FHIT: variants seen among roughly 807,000 people sequenced by gnomAD.
The protein encoded by FHIT is fragile histidine triad diadenosine triphosphatase, also known as bis(5'-adenosyl)-triphosphatase.
Under a neutral mutation model 17.9 loss-of-function variants are expected in FHIT, and 19 were observed. The ratio of observed to expected loss-of-function variants is 1.06; its 90% CI spans 0.74 to 1.56. FHIT has a LOEUF of 1.56. Ranked by LOEUF, FHIT falls within the 40% of genes most tolerant of loss-of-function variation. The probability of loss-of-function intolerance (pLI) is 0.00; values close to 1 mark genes in which losing one functional copy is unlikely to be tolerated. For synonymous variants in FHIT, 81 were observed against 69.7 expected (o/e 1.16, Z -0.81); for missense variants, 248 against 189.2 (o/e 1.31, Z -1.82).
At chr3:59,869,392 GA>G (rs1371876599) in intron 8 of FHIT, among the ~76,000 whole-genome samples, 2 of 149,730 alleles carry the variant, frequency 1.3e-5, no homozygotes, top group East Asian at 2.0e-4. Flanking sequence ...TCACATTATA[GA>G]AAAAAACCAT....
Position 60,041,006 on chromosome 3 carries a change from A to C in FHIT, c.104-26854T>G, listed in dbSNP as rs780513348. The stretch of plus-strand genomic sequence containing the variant: ...GAAAGGGGGGTTTACAAAGGAGATA[A>C]ACCACAGGTGTCAGATATGTATCCA... On this transcript the variant is annotated intron_variant, in intron 5 of 9. Coordinates refer to ENST00000492590, the MANE Select transcript of FHIT (RefSeq NM_002012.4). 1.1e-3 allele frequency among the ~76,000 whole-genome samples: 169 copies of C among 152,160 alleles called. 4 individuals are homozygous for C. Among genetic ancestry groups the C allele is most frequent in the Non-Finnish European group, 2.8e-4 (19 of 68,026 alleles).
chr3:60,946,268 T>C (rs1562520), intron 3 of FHIT, among the ~76,000 whole-genome samples: 108,147 of 152,026 alleles, frequency 0.71, 38,998 homozygotes, highest in Middle Eastern at 0.8. Flanking sequence ...GAGAGTGGGA[T>C]GCTGTGAAAC....
chr3:60,387,665 TTCTC>T (rs1051605327), intron 5 of FHIT, among the ~76,000 whole-genome samples: 2 of 152,152 alleles, frequency 1.3e-5, no homozygotes, highest in African/African-American at 4.8e-5. Flanking sequence ...CTCTCTTGAC[TTCTC>T]TCTCTGTCCC....
At chr3:60,129,026 T>A (rs924234493) in intron 5 of FHIT, among the ~76,000 whole-genome samples, 1 of 150,920 alleles carries the variant, frequency 6.6e-6, no homozygotes, top group South Asian at 2.1e-4. Flanking sequence ...TACTTAATTT[T>A]CCCTTTTCTT....
In FHIT at chr3:59,907,502, C is replaced by T. The variant is rs950932010; in HGVS notation, c.348+14844G>A. ...GACACAGAAGAGTTCTAACTGCCCA[C>T]CCCCAGAGTTTAAAATAGAGTTTCA... On this transcript the variant is annotated intron_variant, in intron 8 of 9. Transcript: ENST00000492590. Among the ~76,000 whole-genome samples, 9 of 152,144 alleles carry T rather than the reference C, an allele frequency of 5.9e-5. No individual in the cohort carries two copies. The South Asian group carries it at 6.2e-4, about 10-fold the overall frequency.
At chr3:60,129,540 C>T (rs1465908326) in intron 5 of FHIT, among the ~76,000 whole-genome samples, 1 of 152,160 alleles carries the variant, frequency 6.6e-6, no homozygotes, top group Non-Finnish European at 1.5e-5. Context: ...TGAATATCCA[C>T]ATTTCGAGGC....
At chr3:61,162,380 G>C (rs1436695654) in intron 2 of FHIT, among the ~76,000 whole-genome samples, 1 of 152,116 alleles carries the variant, frequency 6.6e-6, no homozygotes. Flanking sequence ...GGTAGTCATA[G>C]GCCATCTGTT....
chr3:61,216,959 A>G (rs1382244765), intron 1 of FHIT, among the ~76,000 whole-genome samples: 1 of 141,614 alleles, frequency 7.1e-6, no homozygotes, highest in Admixed American at 7.1e-5. Flanking sequence ...ACACATGGAC[A>G]CAGGAAGGGG....
chr3:60,775,241 C>A (rs1477410194), intron 4 of FHIT, among the ~76,000 whole-genome samples: 1 of 152,208 alleles, frequency 6.6e-6, no homozygotes, highest in Non-Finnish European at 1.5e-5. Flanking sequence ...ACATCTCCAC[C>A]TGTAAACACC....
intron 8 of FHIT, among the ~76,000 whole-genome samples, chr3:59,777,940 C>T (rs1262306066): frequency 6.6e-6 from 1 of 152,194 alleles, no homozygotes; most frequent in Non-Finnish European, 1.5e-5. Flanking sequence ...TGAAATGTTA[C>T]CTCCTTGGTG....
At chr3:60,974,984 A>G (rs1395254928) in intron 3 of FHIT, among the ~76,000 whole-genome samples, 1 of 152,184 alleles carries the variant, frequency 6.6e-6, no homozygotes, top group African/African-American at 2.4e-5. Flanking sequence ...TATGTGTTTC[A>G]TGTTTTTAAA....
intron 2 of FHIT, among the ~76,000 whole-genome samples, chr3:61,085,122 A>G (rs1359789772): frequency 2.0e-5 from 3 of 152,200 alleles, no homozygotes; most frequent in African/African-American, 7.2e-5. Context: ...ATAAATGTAG[A>G]CATACATTTC....
intron 4 of FHIT, among the ~76,000 whole-genome samples, chr3:60,613,688 T>C (rs2038854789): frequency 6.6e-6 from 1 of 152,114 alleles, no homozygotes; most frequent in African/African-American, 2.4e-5. Context: ...CATTCCTACA[T>C]TTCCCTTTTT....
At chr3:60,125,249 G>C (rs1479006086) in intron 5 of FHIT, among the ~76,000 whole-genome samples, 1 of 152,190 alleles carries the variant, frequency 6.6e-6, no homozygotes, top group Non-Finnish European at 1.5e-5. Context: ...GGACAAGTCT[G>C]TTAACCTCTC....
chr3:60,752,566 C>A (rs17063917), intron 4 of FHIT, among the ~76,000 whole-genome samples: 1 of 152,176 alleles, frequency 6.6e-6, no homozygotes, highest in East Asian at 1.9e-4. Context: ...TACTTTTTTG[C>A]GTTTTATTTT....
At chr3:60,081,303 C>A (rs1045959149) in intron 5 of FHIT, among the ~76,000 whole-genome samples, 1 of 151,922 alleles carries the variant, frequency 6.6e-6, no homozygotes, top group Non-Finnish European at 1.5e-5. Context: ...AAGATCAGAC[C>A]ACTCCCTAAA....
chr3:60,132,478 G>A (rs953826485), intron 5 of FHIT, among the ~76,000 whole-genome samples: 1 of 152,130 alleles, frequency 6.6e-6, no homozygotes, highest in African/African-American at 2.4e-5. Context: ...AAAAGTTAAT[G>A]GTATTGGCAA....
At chr3:60,118,992 G>C (rs934219636) in intron 5 of FHIT, among the ~76,000 whole-genome samples, 1 of 151,330 alleles carries the variant, frequency 6.6e-6, no homozygotes, top group African/African-American at 2.4e-5. Flanking sequence ...CTGCACTCCA[G>C]CCTGGGCAAC....
intron 4 of FHIT, among the ~76,000 whole-genome samples, chr3:60,572,037 G>A (rs1329069581): frequency 6.6e-6 from 1 of 151,622 alleles, no homozygotes; most frequent in Non-Finnish European, 1.5e-5. Flanking sequence ...TTTTTTTTGG[G>A]GGGGAAGATT....
Sources: allele counts gnomAD v4.1 joint callset (sites outside exome capture counted in the v4.1 genomes callset), GRCh38; gene constraint gnomAD v4.1.1; transcripts MANE v1.5; gene names NCBI Gene and HGNC (gene_info 2026-07-23, HGNC 2026-07-21).